Variants in SAMMSON observed in about 807,000 individuals in gnomAD.
The protein encoded by SAMMSON is long intergenic non-protein coding RNA 1212.
At chr3:70,081,624 G>A (rs1225838139) in intron 4 of SAMMSON, among the ~76,000 whole-genome samples, 1 of 152,184 alleles carries the variant, frequency 6.6e-6, no homozygotes, top group East Asian at 1.9e-4. Flanking sequence ...CAGAACTGGT[G>A]TATAGTGACA....
intron 4 of SAMMSON, among the ~76,000 whole-genome samples, chr3:70,186,385 A>G (rs150607067): frequency 2.5e-3 from 385 of 152,072 alleles, no homozygotes; most frequent in Non-Finnish European, 3.7e-3. Context: ...AGCCTGCCAA[A>G]TAATTGGGAC....
intron 6 of SAMMSON, among the ~76,000 whole-genome samples, chr3:70,288,610 TC>T (rs1176689925): frequency 6.6e-6 from 1 of 151,020 alleles, no homozygotes; most frequent in Non-Finnish European, 1.5e-5. Context: ...TTCCTGGGTA[TC>T]CTTGTTGACT....
At chr3:70,249,306 T>A (rs1447451006) in intron 5 of SAMMSON, 1 of 152,154 alleles carries the variant, frequency 6.6e-6, no homozygotes, top group Admixed American at 6.6e-5. Context: ...TTCTTTCTGA[T>A]GGAAGTTATA....
At chr3:70,000,276 G>A (rs2066900767) in intron 1 of SAMMSON, among the ~76,000 whole-genome samples, 1 of 152,178 alleles carries the variant, frequency 6.6e-6, no homozygotes, top group Non-Finnish European at 1.5e-5. Context: ...TCCTCTAGAG[G>A]TCTGAGCAGC....
At chr3:70,186,095 A>G (rs1415175972) in intron 4 of SAMMSON, among the ~76,000 whole-genome samples, 1 of 152,192 alleles carries the variant, frequency 6.6e-6, no homozygotes, top group Non-Finnish European at 1.5e-5. Flanking sequence ...CCCCACTTCA[A>G]ACACAGAAAG....
At chr3:70,131,022 C>T (rs928064690) in intron 4 of SAMMSON, among the ~76,000 whole-genome samples, 2 of 151,972 alleles carry the variant, frequency 1.3e-5, no homozygotes, top group African/African-American at 4.8e-5. Flanking sequence ...TATTGAATGC[C>T]CAAATAAGTA....
chr3:70,003,685 G>C (rs181032736), intron 1 of SAMMSON, among the ~76,000 whole-genome samples: 5 of 149,814 alleles, frequency 3.3e-5, no homozygotes, highest in Non-Finnish European at 7.4e-5. Flanking sequence ...TGTACATTCA[G>C]TATTCATTTT....
At chr3:70,107,140 G>C (rs1019883410) in intron 4 of SAMMSON, among the ~76,000 whole-genome samples, 3 of 152,192 alleles carry the variant, frequency 2.0e-5, no homozygotes, top group Non-Finnish European at 2.9e-5. Flanking sequence ...GTAAAATGGA[G>C]ACTAAAGTGA....
At position 70,007,977 on chromosome 3, in the gene SAMMSON, A is replaced by C. The variant is rs535365968; in HGVS notation, n.23-4380A>C. ...TTGTAGATACGCGGCATTATTTCTA[A>C]GGGCTCTGTTCTGTTCCATTGGTCT... On this transcript the variant is annotated intron_variant and non_coding_transcript_variant, in intron 1 of 9. Coordinates refer to ENST00000642114, the Ensembl canonical transcript of SAMMSON. Among the ~76,000 whole-genome samples the C allele has an allele frequency of 5.8e-4, 88 of 152,122 alleles. 1 individual carries two copies. The highest frequency in any genetic ancestry group is 4.4e-3 in the South Asian group (21 of 4,816).
intron 4 of SAMMSON, among the ~76,000 whole-genome samples, chr3:70,169,711 A>T (rs1408079666): frequency 6.7e-6 from 1 of 148,568 alleles, no homozygotes; most frequent in African/African-American, 2.5e-5. Context: ...CTAGAACTCT[A>T]GGTAGACAAT....
At chr3:70,370,029 T>C (rs980559641) in intron 9 of SAMMSON, among the ~76,000 whole-genome samples, 1 of 151,908 alleles carries the variant, frequency 6.6e-6, no homozygotes, top group African/African-American at 2.4e-5. Context: ...CTCCGTAAGA[T>C]AAACTTTTCT....
chr3:70,334,936 T>C (rs1181779617), intron 7 of SAMMSON, among the ~76,000 whole-genome samples: 2 of 152,092 alleles, frequency 1.3e-5, no homozygotes, highest in Non-Finnish European at 2.9e-5. Context: ...CCTTGTGACT[T>C]TTTTATTTCT....
At chr3:70,334,887 C>T (rs993624456) in intron 7 of SAMMSON, among the ~76,000 whole-genome samples, 2 of 152,056 alleles carry the variant, frequency 1.3e-5, no homozygotes, top group Non-Finnish European at 2.9e-5. Flanking sequence ...AAAAGAAATA[C>T]ATATGTCTAC....
intron 7 of SAMMSON, among the ~76,000 whole-genome samples, chr3:70,308,907 C>T (rs538238845): frequency 1.1e-4 from 17 of 152,066 alleles, no homozygotes; most frequent in East Asian, 5.8e-4. Context: ...TGTTCCAAGC[C>T]GAATAAGGCA....
intron 7 of SAMMSON, among the ~76,000 whole-genome samples, chr3:70,331,270 T>C (rs752742931): frequency 2.2e-4 from 33 of 152,194 alleles, no homozygotes; most frequent in Non-Finnish European, 1.8e-4. Context: ...CCCACCTACC[T>C]GGCCCAGTCA....
intron 4 of SAMMSON, among the ~76,000 whole-genome samples, chr3:70,128,622 T>A (rs2067468679): frequency 6.6e-6 from 1 of 152,184 alleles, no homozygotes; most frequent in African/African-American, 2.4e-5. Flanking sequence ...TTTCCTCTTA[T>A]TTTAGAAATT....
At chr3:70,123,144 C>T (rs1244737121) in intron 4 of SAMMSON, among the ~76,000 whole-genome samples, 1 of 152,214 alleles carries the variant, frequency 6.6e-6, no homozygotes, top group East Asian at 1.9e-4. Context: ...TTCAGTGGGG[C>T]TGGGGAAGGG....
chr3:70,083,551 G>C (rs1011878594), intron 4 of SAMMSON, among the ~76,000 whole-genome samples: 1 of 152,160 alleles, frequency 6.6e-6, no homozygotes, highest in Non-Finnish European at 1.5e-5. Flanking sequence ...ATTATGAGTT[G>C]TTCTCCAACA....
At chr3:70,222,830 A>G (rs1027191524) in intron 4 of SAMMSON, among the ~76,000 whole-genome samples, 1 of 152,214 alleles carries the variant, frequency 6.6e-6, no homozygotes, top group African/African-American at 2.4e-5. Context: ...ATAAGTCATT[A>G]GAAGATACTG....
Sources: gnomAD v4.1 joint callset for allele counts (sites outside exome capture counted in the v4.1 genomes callset) on GRCh38, gnomAD v4.1.1 for gene constraint, MANE v1.5 for transcripts, NCBI Gene and HGNC (gene_info 2026-07-23, HGNC 2026-07-21) for gene names.